RIMBP2: variants seen among roughly 807,000 people sequenced by gnomAD.
The protein encoded by RIMBP2 is RIMS-binding protein 2.
A neutral mutation model predicts 118.6 loss-of-function variants in RIMBP2; 48 were observed. The ratio of observed to expected loss-of-function variants is 0.40; its 90% CI spans 0.32 to 0.51. The LOEUF (loss-of-function observed/expected upper bound fraction) is 0.51, where lower values mean the gene tolerates loss of function less well. RIMBP2 is among the 20% of genes least tolerant of loss of function. RIMBP2 has a pLI of 0.41. For synonymous variants in RIMBP2, 762 were observed against 742.9 expected, an observed-to-expected ratio of 1.03 and a Z score of -0.42; for missense variants, 1,551 against 1,768.3, an observed-to-expected ratio of 0.88 and a Z score of 2.20.
intron 1 of RIMBP2, among the ~76,000 whole-genome samples, chr12:130,637,429 C>A (rs975448564): frequency 6.6e-6 from 1 of 152,176 alleles, no homozygotes; most frequent in Non-Finnish European, 1.5e-5. Context: ...GACAGCACAT[C>A]GGACTGGAGG....
At chr12:130,572,179 C>A (rs2057722999) in intron 2 of RIMBP2, among the ~76,000 whole-genome samples, 1 of 85,550 alleles carries the variant, frequency 1.2e-5, no homozygotes, top group South Asian at 4.1e-4. Flanking sequence ...AAACTTAGCA[C>A]GGGTGACAGG....
chr12:130,647,368 C>A (rs2063035563), intron 1 of RIMBP2, among the ~76,000 whole-genome samples: 1 of 152,022 alleles, frequency 6.6e-6, no homozygotes. Flanking sequence ...CTCAAAAAAA[C>A]CAACAACAAA....
rs140257980 is a variant in RIMBP2 at position 130,442,014 on chromosome 12, G to A, written c.1338C>T (p.Phe446=). 2.9e-3 allele frequency: 4,726 copies of A among 1,614,114 alleles called. 11 individuals carry two copies. The highest frequency in any genetic ancestry group is 3.7e-3 in the Non-Finnish European group (4,364 of 1,180,028). ...SHVIFLNEEE[F]DIVKAARYKY... ...TGTACCTGGCGGCCTTGACGATGTC[G>A]AACTCCTCCTCGTTGAGGAAGATGA... Residue 446 remains phenylalanine, a synonymous_variant, in exon 11 of 23, where the codon TTC becomes TTT. Transcript: ENST00000690449. This position sits in a 1 kb window ranked among gnomAD's most constrained non-coding sequence, Gnocchi z 6.9.
intron 1 of RIMBP2, among the ~76,000 whole-genome samples, chr12:130,643,223 G>A (rs7134357): frequency 0.037 from 5,599 of 152,266 alleles, 187 homozygotes; most frequent in African/African-American, 0.086. Context: ...CCTGTGGAAC[G>A]CAGGGAGCTC....
intron 4 of RIMBP2, among the ~76,000 whole-genome samples, chr12:130,503,633 T>A (rs901037080): frequency 5.3e-5 from 8 of 152,222 alleles, no homozygotes; most frequent in Non-Finnish European, 1.0e-4. Context: ...TTTTTCTGCA[T>A]CCTCTAACAT....
intron 2 of RIMBP2, among the ~76,000 whole-genome samples, chr12:130,540,614 G>A (rs1027493181): frequency 6.6e-6 from 1 of 151,982 alleles, no homozygotes; most frequent in South Asian, 2.1e-4. Context: ...ACTGCCTAAG[G>A]GACCAACTGC....
At chr12:130,638,905 C>G (rs1293003766) in intron 1 of RIMBP2, among the ~76,000 whole-genome samples, 1 of 152,034 alleles carries the variant, frequency 6.6e-6, no homozygotes, top group East Asian at 1.9e-4. Context: ...ATAGAATGCA[C>G]AAGACAAGGA....
intron 1 of RIMBP2, among the ~76,000 whole-genome samples, chr12:130,637,624 T>TC (rs1338915998): frequency 6.6e-6 from 1 of 152,242 alleles, no homozygotes; most frequent in East Asian, 1.9e-4. Context: ...GATCAATGTA[T>TC]CCCTGCACTG....
intron 4 of RIMBP2, among the ~76,000 whole-genome samples, chr12:130,484,604 G>C (rs2082326319): frequency 6.6e-6 from 1 of 152,224 alleles, no homozygotes; most frequent in Non-Finnish European, 1.5e-5. Flanking sequence ...ACTCGGCACA[G>C]ATGCCAAATA....
chr12:130,624,469 CGTGT>C (rs745607904), intron 2 of RIMBP2, among the ~76,000 whole-genome samples: 2 of 151,638 alleles, frequency 1.3e-5, no homozygotes, highest in Non-Finnish European at 1.5e-5. Context: ...TACACCAAGA[CGTGT>C]GTGTGTGTGT....
At chr12:130,539,310 G>A (rs560622378) in intron 2 of RIMBP2, among the ~76,000 whole-genome samples, 2 of 152,242 alleles carry the variant, frequency 1.3e-5, no homozygotes, top group South Asian at 4.1e-4. Flanking sequence ...AACATGTAAA[G>A]AACAGTGTCA....
At chr12:130,689,304 G>A (rs1030767776) in intron 1 of RIMBP2, among the ~76,000 whole-genome samples, 3 of 152,122 alleles carry the variant, frequency 2.0e-5, no homozygotes, top group Admixed American at 6.5e-5. Flanking sequence ...GTGGTGGTGC[G>A]TGCCTGTAAT....
intron 1 of RIMBP2, among the ~76,000 whole-genome samples, chr12:130,654,159 T>C (rs2063335697): frequency 6.6e-6 from 1 of 152,264 alleles, no homozygotes; most frequent in Non-Finnish European, 1.5e-5. Flanking sequence ...GGCTAGGTTG[T>C]GAATTTCTGA....
At chr12:130,635,728 A>G (rs1049927487) in intron 1 of RIMBP2, among the ~76,000 whole-genome samples, 1 of 152,180 alleles carries the variant, frequency 6.6e-6, no homozygotes, top group East Asian at 1.9e-4. Context: ...TCCATGCATC[A>G]TGCACAGGCC....
At chr12:130,684,153 A>G (rs2064939483) in intron 1 of RIMBP2, among the ~76,000 whole-genome samples, 1 of 152,148 alleles carries the variant, frequency 6.6e-6, no homozygotes, top group Non-Finnish European at 1.5e-5. Context: ...ACCCCTTTCT[A>G]TTGATTCCAG....
In RIMBP2 at chr12:130,683,443, C is replaced by A. The variant is rs1330969652; in HGVS notation, c.-352+32779G>T. On this transcript the variant is annotated intron_variant, in intron 1 of 22. Coordinates refer to ENST00000690449, the MANE Select transcript of RIMBP2 (RefSeq NM_001393629.1). The surrounding 1 kb of genome is among the most constrained non-coding windows in gnomAD (Gnocchi z 4.4). ...GCTCTGATCACTGGCAATGAATGAA[C>A]TAGGAAATAAATTCTCTGGTGGTAT... Among the ~76,000 whole-genome samples the A allele has an allele frequency of 1.3e-5, 2 of 152,178 alleles. No individual in the cohort carries two copies. Among genetic ancestry groups the A allele is most frequent in the Admixed American group, 1.3e-4 (2 of 15,280 alleles).
chr12:130,598,860 C>A (rs2059708132), intron 2 of RIMBP2, among the ~76,000 whole-genome samples: 1 of 152,060 alleles, frequency 6.6e-6, no homozygotes, highest in Non-Finnish European at 1.5e-5. Flanking sequence ...AATAGACCCA[C>A]AAATGTATTA....
chr12:130,458,842 C>T (rs1025583533), intron 6 of RIMBP2, among the ~76,000 whole-genome samples: 2 of 151,970 alleles, frequency 1.3e-5, no homozygotes, highest in Non-Finnish European at 2.9e-5. Flanking sequence ...CTCAGGAGTT[C>T]GAGACCAGCC....
chr12:130,514,282 A>G (rs1002760759), intron 3 of RIMBP2, among the ~76,000 whole-genome samples: 4 of 152,258 alleles, frequency 2.6e-5, no homozygotes, highest in African/African-American at 9.6e-5. Context: ...TGTGCCTTGC[A>G]GCCTTGTTTA....
Sources: gnomAD v4.1 joint callset for allele counts (sites outside exome capture counted in the v4.1 genomes callset) on GRCh38, gnomAD v4.1.1 for gene constraint, Gnocchi (gnomAD v3.1) non-coding constraint, MANE v1.5 for transcripts, NCBI Gene and HGNC (gene_info 2026-07-23, HGNC 2026-07-21) for gene names.